DNAH17: variants seen among roughly 807,000 people sequenced by gnomAD.
DNAH17 encodes dynein axonemal heavy chain 17, also known as axonemal beta dynein heavy chain 17.
A neutral mutation model predicts 485.6 loss-of-function variants in DNAH17; 376 were observed. That is an observed-to-expected ratio of 0.77 (90% confidence interval 0.71 to 0.84). The LOEUF is 0.84. Among genes scored for constraint, DNAH17 ranks in the 40% least tolerant of loss-of-function variants. The probability of loss-of-function intolerance (pLI) is 0.00; values close to 1 mark genes in which losing one functional copy is unlikely to be tolerated. For synonymous variants in DNAH17, 3,031 were observed against 2,405.9 expected, an observed-to-expected ratio of 1.26 and a Z score of -7.60; for missense variants, 6,370 against 5,839.3, an observed-to-expected ratio of 1.09 and a Z score of -2.96.
chr17:78,561,629 GGTCCCGCTCGGGGTTGGGACA>G, intron 12 of DNAH17, 65 bp downstream of exon 12: 1 of 1,434,470 alleles, frequency 7.0e-7, no homozygotes, highest in Non-Finnish European at 9.2e-7. Context: ...CAGGAGGGGT[GGTCCCGCTCGGGGTTGGGACA>G]GTCCCTCTCG....
At chr17:78,454,807 G>T in intron 63 of DNAH17, 102 bp from the exon 64 acceptor site, 1 of 1,055,918 alleles carries the variant, frequency 9.5e-7, no homozygotes, top group Non-Finnish European at 1.4e-6. Flanking sequence ...GCGGTTAGGG[G>T]TGGACCAGCA....
rs887796448 is a variant in DNAH17 at position 78,558,273 on chromosome 17, T to C, written c.2032-19A>G. 6.2e-7 allele frequency: 1 copy of C among 1,611,866 alleles called. No individual in the cohort carries two copies. On this transcript the variant is annotated intron_variant, in intron 13 of 80. Transcript: ENST00000389840. The stretch of plus-strand genomic sequence containing the variant: ...CCACCAACTAAATGACAAACGAAGA[T>C]CAAAGAACATGTCAGCAGGTCAGGT...
At chr17:78,508,302 A>AT (rs1418758238) in intron 27 of DNAH17, among the ~76,000 whole-genome samples, 1 of 152,158 alleles carries the variant, frequency 6.6e-6, no homozygotes, top group Non-Finnish European at 1.5e-5. Flanking sequence ...TGAAACGATC[A>AT]TTCTCATCAC....
chr17:78,432,220 A>AAAATT, intron 75 of DNAH17, among the ~76,000 whole-genome samples: 1 of 149,322 alleles, frequency 6.7e-6, no homozygotes, highest in African/African-American at 2.5e-5. Flanking sequence ...AATAAAAATT[A>AAAATT]AAAAAAAAAT....
chr17:78,559,532 C>G (rs2092105336), intron 13 of DNAH17, among the ~76,000 whole-genome samples: 1 of 152,214 alleles, frequency 6.6e-6, no homozygotes, highest in African/African-American at 2.4e-5. Flanking sequence ...CACTCTGGTT[C>G]CAGCCACCAC....
Position 78,485,041 on chromosome 17 carries a change from G to A in DNAH17, c.7484-8C>T. ...GCGGCTTCTCCAGCACCCCTAGAGA[G>A]GGCAGAGGGTCAGCTGCCCGCCTGC... is the stretch of plus-strand genomic sequence containing the variant. On this transcript the variant is annotated splice_region_variant and splice_polypyrimidine_tract_variant and intron_variant, in intron 47 of 80. Coordinates refer to ENST00000389840, the MANE Select transcript of DNAH17 (RefSeq NM_173628.4). The A allele has an allele frequency of 1.9e-6, 3 of 1,595,832 alleles. No individual in the cohort carries two copies. The highest frequency in any genetic ancestry group is 1.8e-5 in the Admixed American group (1 of 57,090).
chr17:78,561,376 C>T (rs1385927032), intron 12 of DNAH17, among the ~76,000 whole-genome samples: 1 of 152,216 alleles, frequency 6.6e-6, no homozygotes, highest in African/African-American at 2.4e-5. Flanking sequence ...CGTGAAGCCT[C>T]CCCGGCCCCT....
At chr17:78,471,539 T>C (rs1026470655) in intron 54 of DNAH17, among the ~76,000 whole-genome samples, 34 of 152,212 alleles carry the variant, frequency 2.2e-4, no homozygotes, top group African/African-American at 8.2e-4. Flanking sequence ...CTGACTTTAC[T>C]TTTTTAGAGA....
At chr17:78,491,959 G>A (rs549979818) in intron 42 of DNAH17, among the ~76,000 whole-genome samples, 2 of 152,326 alleles carry the variant, frequency 1.3e-5, no homozygotes, top group Non-Finnish European at 2.9e-5. Context: ...GTCAGGCATG[G>A]AATGGAGCAA....
rs930421367 is a variant in DNAH17, at chr17:78,528,094, GA to G, written c.3508-1099del. Among the ~76,000 whole-genome samples, 854 of 149,846 alleles carry G rather than the reference GA, an allele frequency of 5.7e-3. 9 individuals are homozygous for G. Among genetic ancestry groups the G allele is most frequent in the African/African-American group, 0.019 (786 of 40,926 alleles). On this transcript the variant is annotated intron_variant, in intron 22 of 80. Transcript: ENST00000389840. ...ACACCGGGCCATAAAATATTTTAAA[GA>G]AAAAAAAAATCCCAGCCCATGAACT...
At chr17:78,454,416 G>C (rs2087696239) in intron 64 of DNAH17, 54 bp downstream of exon 64, 1 of 1,437,308 alleles carries the variant, frequency 7.0e-7, no homozygotes, top group South Asian at 1.2e-5. Flanking sequence ...GAATGCCTAA[G>C]GCGTGCTTCC....
intron 15 of DNAH17, among the ~76,000 whole-genome samples, chr17:78,552,159 G>T (rs1387351610): frequency 6.6e-6 from 1 of 152,192 alleles, no homozygotes; most frequent in East Asian, 1.9e-4. Flanking sequence ...TTTGGAGAAT[G>T]TGTGGACCCT....
intron 25 of DNAH17, among the ~76,000 whole-genome samples, chr17:78,521,565 C>G (rs571789979): frequency 6.6e-6 from 1 of 151,870 alleles, no homozygotes; most frequent in African/African-American, 2.4e-5. Context: ...CATAGACAAA[C>G]AGAAAGCAGA....
At chr17:78,506,319 T>C (rs1555678513) in intron 30 of DNAH17, among the ~76,000 whole-genome samples, 1 of 151,846 alleles carries the variant, frequency 6.6e-6, no homozygotes, top group Non-Finnish European at 1.5e-5. Context: ...TTTTCTCTTT[T>C]AGAATAGCCC....
chr17:78,538,998 C>T (rs766153874), intron 18 of DNAH17, among the ~76,000 whole-genome samples: 12 of 152,172 alleles, frequency 7.9e-5, no homozygotes, highest in African/African-American at 1.7e-4. Flanking sequence ...TTTGGGAGGC[C>T]GAGGTTGGTC....
intron 64 of DNAH17, among the ~76,000 whole-genome samples, chr17:78,454,266 G>C (rs2087689020): frequency 6.6e-6 from 1 of 152,210 alleles, no homozygotes; most frequent in Non-Finnish European, 1.5e-5. Context: ...CCCTGCAGGA[G>C]CAGCAGGTGA....
At chr17:78,544,883 A>G (rs2091714003) in intron 16 of DNAH17, among the ~76,000 whole-genome samples, 1 of 149,524 alleles carries the variant, frequency 6.7e-6, no homozygotes, top group Non-Finnish European at 1.5e-5. Context: ...CTGTCATTAG[A>G]TTTTTTTTCC....
chr17:78,477,885 G>A lies in DNAH17; in HGVS notation c.7992+1140C>T, dbSNP rs888731820. 1.0e-3 allele frequency among the ~76,000 whole-genome samples: 155 copies of A among 148,154 alleles called. No homozygotes were observed. The Middle Eastern group carries it at 0.014, about 13-fold the overall frequency. Reference sequence around the variant, plus strand: ...TATTATTACCATCACCACCACCATCGCTATCATCACCACCATCATCATTAC... The same window carrying A: ...TATTATTACCATCACCACCACCATCACTATCATCACCACCATCATCATTAC... On this transcript the variant is annotated intron_variant, in intron 51 of 80. Transcript: ENST00000389840.
At chr17:78,494,546 A>C (rs1270238756) in intron 40 of DNAH17, 47 bp downstream of exon 40, 1 of 1,583,050 alleles carries the variant, frequency 6.3e-7, no homozygotes, top group Admixed American at 1.7e-5. Flanking sequence ...AGGAAGCCCC[A>C]GCCAGGCAGG....
Sources: gnomAD v4.1 joint callset for allele counts (sites outside exome capture counted in the v4.1 genomes callset) on GRCh38, gnomAD v4.1.1 for gene constraint, MANE v1.5 for transcripts, NCBI Gene and HGNC (gene_info 2026-07-23, HGNC 2026-07-21) for gene names.